Variants in SHQ1 observed in about 807,000 individuals in gnomAD.
The protein encoded by SHQ1 is SHQ1, H/ACA ribonucleoprotein assembly factor, also known as protein SHQ1 homolog.
SHQ1 carries 49 observed loss-of-function variants against 53.8 expected under a neutral mutation model. The observed-to-expected ratio is 0.91, with a 90% CI of 0.72 to 1.16. The LOEUF is 1.16. SHQ1 is among the 50% of genes most tolerant of loss of function. The pLI, the probability that SHQ1 is intolerant of heterozygous loss-of-function variation, is 0.00. For synonymous variants in SHQ1, 243 were observed against 251.0 expected, an observed-to-expected ratio of 0.97 and a Z score of 0.30; for missense variants, 738 against 683.1, an observed-to-expected ratio of 1.08 and a Z score of -0.90.
chr3:72,845,485 C>CA (rs550677371), intron 1 of SHQ1, among the ~76,000 whole-genome samples: 4,546 of 123,580 alleles, frequency 0.037, 193 homozygotes, highest in African/African-American at 0.1. Context: ...ATTCTGTGTC[C>CA]AAAAAAAAAA....
At chr3:72,746,251 TG>T (rs1705258072), downstream of SHQ1, among the ~76,000 whole-genome samples, 1 of 152,190 alleles carries the variant, frequency 6.6e-6, no homozygotes, top group African/African-American at 2.4e-5. Flanking sequence ...TGCAAAGTCT[TG>T]GTTTTTCCCA....
chr3:72,823,222 A>AAT (rs1707537862), intron 6 of SHQ1, among the ~76,000 whole-genome samples: 1 of 152,136 alleles, frequency 6.6e-6, no homozygotes, highest in Non-Finnish European at 1.5e-5. Context: ...TATTTTCTAA[A>AAT]ATATTATAGT....
At chr3:72,847,880 C>T (rs764954338) in intron 1 of SHQ1, among the ~76,000 whole-genome samples, 1 of 152,038 alleles carries the variant, frequency 6.6e-6, no homozygotes, top group Non-Finnish European at 1.5e-5. Context: ...AAGGAAAGAA[C>T]AGAACAAGTC....
chr3:72,842,096 T>C (rs574895110), intron 3 of SHQ1, among the ~76,000 whole-genome samples, 184 bp downstream of exon 3: 12 of 152,330 alleles, frequency 7.9e-5, no homozygotes, highest in Admixed American at 3.3e-4. Flanking sequence ...TCTGGTTCAA[T>C]AGGATTTTTA....
intron 8 of SHQ1, among the ~76,000 whole-genome samples, chr3:72,813,692 C>T (rs1211570857): frequency 2.1e-5 from 3 of 142,892 alleles, no homozygotes; most frequent in Non-Finnish European, 4.5e-5. Flanking sequence ...ACCCAGGAGG[C>T]GGAGCTTGCA....
intron 10 of SHQ1, among the ~76,000 whole-genome samples, chr3:72,788,052 C>G (rs1039207710): frequency 6.6e-6 from 1 of 152,204 alleles, no homozygotes; most frequent in Non-Finnish European, 1.5e-5. Flanking sequence ...GTGGCGTGAT[C>G]TCGGCTCGCT....
Position 72,832,411 on chromosome 3 carries a change from C to A in SHQ1, c.557G>T (p.Arg186Leu). The A allele has an allele frequency of 6.2e-7, 1 of 1,612,722 alleles. No homozygotes were observed. Among genetic ancestry groups the A allele is most frequent in the Non-Finnish European group, 8.5e-7 (1 of 1,179,946 alleles). ...AAACTTGGCCAGCTCAGCGGCCAGG[C>A]GCTTCTGTCTTCGTTCAGCTGCAGG... ...FTPAAERRQK[R>L]LAAELAKFDP... Residue 186 changes from arginine (R) to leucine (L), a missense_variant, in exon 5 of 11, where the codon CGC (arginine) becomes CTC (leucine). Coordinates refer to ENST00000325599, the MANE Select transcript of SHQ1 (RefSeq NM_018130.3).
chr3:72,797,817 C>T (rs1706673416), intron 9 of SHQ1, among the ~76,000 whole-genome samples: 1 of 152,230 alleles, frequency 6.6e-6, no homozygotes, highest in South Asian at 2.1e-4. Flanking sequence ...CGTACTTGAT[C>T]TCTTTTGTTC....
intron 10 of SHQ1, among the ~76,000 whole-genome samples, chr3:72,768,582 A>G (rs1183686126): frequency 6.6e-6 from 1 of 152,228 alleles, no homozygotes; most frequent in Non-Finnish European, 1.5e-5. Flanking sequence ...AGTATGTGCC[A>G]TAAGCCTTAC....
intron 10 of SHQ1, among the ~76,000 whole-genome samples, chr3:72,752,627 A>C (rs1309716941): frequency 6.6e-6 from 1 of 152,042 alleles, no homozygotes; most frequent in Non-Finnish European, 1.5e-5. Context: ...CCCAGGTTCA[A>C]GTGATTCTCC....
chr3:72,812,874 T>C (rs1707170923), intron 8 of SHQ1, 80 bp from the exon 9 acceptor site: 7 of 1,547,802 alleles, frequency 4.5e-6, no homozygotes, highest in Non-Finnish European at 6.2e-6. Context: ...TAGGAAGCTT[T>C]TCTCATTTAA....
chr3:72,777,307 A>G (rs1436280713), intron 10 of SHQ1, among the ~76,000 whole-genome samples: 1 of 152,212 alleles, frequency 6.6e-6, no homozygotes, highest in African/African-American at 2.4e-5. Flanking sequence ...TTTAACCCAT[A>G]AAGGACTAGT....
chr3:72,785,135 A>G (rs1706187470), intron 10 of SHQ1, among the ~76,000 whole-genome samples: 1 of 152,260 alleles, frequency 6.6e-6, no homozygotes, highest in Admixed American at 6.5e-5. Flanking sequence ...CTCCATGTGC[A>G]GTGAGAGAGA....
chr3:72,804,848 C>A (rs894359786), intron 9 of SHQ1, among the ~76,000 whole-genome samples: 1 of 152,066 alleles, frequency 6.6e-6, no homozygotes, highest in African/African-American at 2.4e-5. Flanking sequence ...CAGAGTGAGA[C>A]CTTGTCCCTA....
intron 9 of SHQ1, among the ~76,000 whole-genome samples, chr3:72,796,587 G>A (rs1452791316): frequency 2.0e-5 from 3 of 152,116 alleles, no homozygotes; most frequent in South Asian, 2.1e-4. Flanking sequence ...TTGGAAAGCC[G>A]AGGTGGGCAG....
chr3:72,777,376 C>T (rs1033537872), intron 10 of SHQ1, among the ~76,000 whole-genome samples: 2 of 152,168 alleles, frequency 1.3e-5, no homozygotes, highest in African/African-American at 4.8e-5. Context: ...TATTGAAAAA[C>T]AGGGGATACA....
chr3:72,739,438 C>T, the SHQ1 span, among the ~76,000 whole-genome samples: 1 of 152,228 alleles, frequency 6.6e-6, no homozygotes, highest in Non-Finnish European at 1.5e-5. Flanking sequence ...CCTCACCAGG[C>T]TCTACCAGGA....
intron 8 of SHQ1, 96 bp from the exon 9 acceptor site, chr3:72,812,890 G>C: frequency 7.0e-7 from 1 of 1,419,516 alleles, no homozygotes. Context: ...TTTAAAAGCT[G>C]CAAGTTCGGA....
chr3:72,778,784 A>G (rs959848993), intron 10 of SHQ1, among the ~76,000 whole-genome samples: 5 of 152,128 alleles, frequency 3.3e-5, no homozygotes, highest in African/African-American at 1.2e-4. Context: ...GATCACCACA[A>G]AAGAGTTTAA....
Sources: allele counts gnomAD v4.1 joint callset (sites outside exome capture counted in the v4.1 genomes callset), GRCh38; gene constraint gnomAD v4.1.1; transcripts MANE v1.5; gene names NCBI Gene and HGNC (gene_info 2026-07-23, HGNC 2026-07-21).